C10orf90: variants seen among roughly 807,000 people sequenced by gnomAD.
The protein encoded by C10orf90 is (E2-independent) E3 ubiquitin-conjugating enzyme FATS.
A neutral mutation model predicts 62.5 loss-of-function variants in C10orf90; 56 were observed. The observed-to-expected ratio is 0.90, with a 90% CI of 0.72 to 1.12. The LOEUF (loss-of-function observed/expected upper bound fraction) is 1.12. Among genes scored for constraint, C10orf90 ranks in the 50% most tolerant of loss-of-function variants. The pLI, the probability that C10orf90 is intolerant of heterozygous loss-of-function variation, is 0.00. For missense variants in C10orf90, 970 were observed against 880.4 expected, an observed-to-expected ratio of 1.10 and a Z score of -1.29; for synonymous variants, 386 against 340.4, an observed-to-expected ratio of 1.13 and a Z score of -1.47.
At chr10:126,587,311 C>A (rs982205974) in intron 2 of C10orf90, among the ~76,000 whole-genome samples, 2 of 152,198 alleles carry the variant, frequency 1.3e-5, no homozygotes, top group Non-Finnish European at 2.9e-5. Flanking sequence ...GCTGCCATAA[C>A]GAAACACCAC....
In C10orf90 at chr10:126,448,990, C is replaced by G. The variant is rs532946235; in HGVS notation, c.2188+10050G>C. ...GAATTAATACCATCCTTCTCAAACT[C>G]TTTCAAAAAAATTGAAGAGGAGGGA... On this transcript the variant is annotated intron_variant, in intron 7 of 9. Transcript: ENST00000488181. 7.2e-5 allele frequency among the ~76,000 whole-genome samples: 11 copies of G among 152,220 alleles called. No homozygotes were observed. The East Asian group carries it at 2.1e-3, about 29-fold the overall frequency.
intron 2 of C10orf90, among the ~76,000 whole-genome samples, chr10:126,539,842 T>A (rs987744789): frequency 6.6e-6 from 1 of 152,200 alleles, no homozygotes; most frequent in Non-Finnish European, 1.5e-5. Flanking sequence ...AAACTTTAGA[T>A]GCTAGGAAGA....
At chr10:126,665,487 A>T (rs1846607611) in intron 1 of C10orf90, among the ~76,000 whole-genome samples, 1 of 152,166 alleles carries the variant, frequency 6.6e-6, no homozygotes, top group African/African-American at 2.4e-5. Context: ...TACTCCAACC[A>T]CTGGAAAACA....
At chr10:126,481,429 T>C (rs1861155785) in intron 4 of C10orf90, among the ~76,000 whole-genome samples, 1 of 152,262 alleles carries the variant, frequency 6.6e-6, no homozygotes, top group Non-Finnish European at 1.5e-5. Flanking sequence ...TATCATCATT[T>C]AACTAATGGC....
chr10:126,557,375 G>A (rs553012601), intron 2 of C10orf90, among the ~76,000 whole-genome samples: 84 of 151,944 alleles, frequency 5.5e-4, no homozygotes, highest in African/African-American at 1.7e-3. Flanking sequence ...AGCTACTTGG[G>A]AGGCTGAGGC....
intron 1 of C10orf90, among the ~76,000 whole-genome samples, chr10:126,661,819 C>G (rs1846520866): frequency 6.6e-6 from 1 of 151,952 alleles, no homozygotes; most frequent in Admixed American, 6.6e-5. Context: ...TTTTAAAAAT[C>G]ATCTATTTCT....
chr10:126,514,468 G>A (rs898860116), intron 2 of C10orf90, among the ~76,000 whole-genome samples: 1 of 152,158 alleles, frequency 6.6e-6, no homozygotes, highest in African/African-American at 2.4e-5. Flanking sequence ...CCCCACATGT[G>A]CCTCTCTGTG....
intron 2 of C10orf90, among the ~76,000 whole-genome samples, chr10:126,579,063 T>G (rs554314972): frequency 2.2e-5 from 3 of 138,824 alleles, no homozygotes; most frequent in South Asian, 4.3e-4. Context: ...CAATTAAAAG[T>G]TTTTTTTTAA....
intron 7 of C10orf90, among the ~76,000 whole-genome samples, chr10:126,442,032 G>A (rs1440197147): frequency 6.6e-6 from 1 of 151,962 alleles, no homozygotes; most frequent in Non-Finnish European, 1.5e-5. Context: ...ACAGCACAAT[G>A]AATAAAATGG....
rs910044661 is a variant in C10orf90, at chr10:126,668,193, T to G, written c.240+2048A>C. ...TGGGAAGAACTTGAAATCCATAAGG[T>G]TTTTACAGAAATAAAATCTCCAAAA... On this transcript the variant is annotated intron_variant, in intron 1 of 9. Coordinates refer to ENST00000488181, the MANE Select transcript of C10orf90 (RefSeq NM_001350921.2). Among the ~76,000 whole-genome samples the G allele has an allele frequency of 3.3e-5, 5 of 152,172 alleles. No homozygotes were observed. In the South Asian group the frequency reaches 1.0e-3, roughly 32 times the overall value.
Position 126,505,023 on chromosome 10 carries a change from A to G in C10orf90, c.468T>C (p.Asp156=). 6.2e-7 allele frequency: 1 copy of G among 1,614,104 alleles called. No individual in the cohort carries two copies. Among genetic ancestry groups the G allele is most frequent in the Non-Finnish European group, 8.5e-7 (1 of 1,179,972 alleles). ...CCCTGTTTTCTCTTGACTTATTCTC[A>G]TCAATCATCTGGGAGATGACTATGG... is the stretch of plus-strand genomic sequence containing the variant. The part of the protein sequence containing the change: ...ISSIVISQMI[D]ENKSRENRAS... The change falls in exon 4 of 10, where the codon GAT becomes GAC. Residue 156 remains aspartate, a synonymous_variant. Coordinates refer to ENST00000488181, the MANE Select transcript of C10orf90 (RefSeq NM_001350921.2).
intron 2 of C10orf90, among the ~76,000 whole-genome samples, chr10:126,542,992 T>C (rs1459690953): frequency 6.6e-6 from 1 of 152,096 alleles, no homozygotes; most frequent in African/African-American, 2.4e-5. Context: ...AACTGTCAAA[T>C]GTGTGTTGTT....
chr10:126,469,710 G>A (rs1270920451), intron 4 of C10orf90: 5 of 364,450 alleles, frequency 1.4e-5, no homozygotes, highest in East Asian at 1.5e-4. Flanking sequence ...CAAAGCTCTC[G>A]GGTCTGCATT....
At position 126,527,340 on chromosome 10, in the gene C10orf90, T is replaced by A. The variant is rs115956928; in HGVS notation, c.314-13401A>T. On this transcript the variant is annotated intron_variant, in intron 2 of 9. Coordinates refer to ENST00000488181, the MANE Select transcript of C10orf90 (RefSeq NM_001350921.2). ...TGTGGAGCATCTTTTCATGTGCTTA[T>A]TGGCCATTTGCCTTTCTTCTTTGGA... Among the ~76,000 whole-genome samples, 666 of 152,336 alleles carry A rather than the reference T, an allele frequency of 4.4e-3. 2 individuals carry two copies. Among genetic ancestry groups the A allele is most frequent in the African/African-American group, 0.015 (638 of 41,572 alleles).
intron 4 of C10orf90, among the ~76,000 whole-genome samples, chr10:126,480,593 C>A (rs1216897934): frequency 6.6e-6 from 1 of 152,224 alleles, no homozygotes; most frequent in Non-Finnish European, 1.5e-5. Context: ...CAGCGGCCTG[C>A]CCACTGTCAC....
intron 4 of C10orf90, chr10:126,469,871 T>G (rs781023909): frequency 6.6e-6 from 3 of 456,762 alleles, no homozygotes; most frequent in South Asian, 1.5e-5. Context: ...GCAGGTGAGT[T>G]GAGGACTCTC....
intron 1 of C10orf90, among the ~76,000 whole-genome samples, chr10:126,648,687 A>C (rs1394249619): frequency 6.6e-6 from 1 of 152,254 alleles, no homozygotes; most frequent in African/African-American, 2.4e-5. Context: ...GCAGCAAGTT[A>C]TCTCTCCACT....
At chr10:126,549,886 A>G (rs151309787) in intron 2 of C10orf90, among the ~76,000 whole-genome samples, 1,726 of 152,288 alleles carry the variant, frequency 0.011, 28 homozygotes, top group African/African-American at 0.037. Flanking sequence ...ACCTCCAAAG[A>G]ATAACACCAA....
intron 5 of C10orf90, among the ~76,000 whole-genome samples, chr10:126,461,921 A>C (rs1428427334): frequency 6.6e-6 from 1 of 152,142 alleles, no homozygotes; most frequent in Non-Finnish European, 1.5e-5. Flanking sequence ...CAATTATCAC[A>C]GTTCGGTTGT....
Sources: allele counts gnomAD v4.1 joint callset (sites outside exome capture counted in the v4.1 genomes callset), GRCh38; gene constraint gnomAD v4.1.1; transcripts MANE v1.5; gene names NCBI Gene and HGNC (gene_info 2026-07-23, HGNC 2026-07-21).